Variants in DRC4 observed in about 807,000 individuals in gnomAD.
DRC4 encodes the protein GAS-11.
chr16:90,043,845 G>A, the DRC4 span: 4 of 466,426 alleles, frequency 8.6e-6, no homozygotes, highest in African/African-American at 6.0e-5. Flanking sequence ...AGCCCGCTCT[G>A]TTGAGGGCTG....
the DRC4 span, chr16:90,022,696 C>T: frequency 4.2e-6 from 6 of 1,418,972 alleles, no homozygotes; most frequent in Non-Finnish European, 3.7e-6. Flanking sequence ...GTCCCGGAGT[C>T]GCCGCTGGGC....
chr16:90,036,591 T>G, the DRC4 span: 1 of 1,566,328 alleles, frequency 6.4e-7, no homozygotes, highest in Admixed American at 1.9e-5. Context: ...CTCAAGGTGC[T>G]GTGCGTGGGC....
chr16:90,023,069 T>G, the DRC4 span, among the ~76,000 whole-genome samples: 1 of 152,126 alleles, frequency 6.6e-6, no homozygotes, highest in African/African-American at 2.4e-5. Context: ...CTCGGTCTGT[T>G]GGATCCCTGG....
the DRC4 span, among the ~76,000 whole-genome samples, chr16:90,026,250 CA>C: frequency 6.6e-6 from 1 of 152,282 alleles, no homozygotes; most frequent in South Asian, 2.1e-4. Flanking sequence ...GGTGGCCAGA[CA>C]GAACTGCTCC....
the DRC4 span, chr16:90,032,822 C>T: frequency 1.1e-5 from 17 of 1,613,840 alleles, no homozygotes; most frequent in African/African-American, 2.7e-5. Flanking sequence ...AGAAAGAGCA[C>T]CGCATACAGG....
At chr16:90,038,157 A>G in the DRC4 span, among the ~76,000 whole-genome samples, 8 of 152,190 alleles carry the variant, frequency 5.3e-5, no homozygotes, top group Non-Finnish European at 1.0e-4. Context: ...CGGATCACAC[A>G]TGACTTTCGT....
At chr16:90,033,356 C>T in the DRC4 span, among the ~76,000 whole-genome samples, 5 of 152,160 alleles carry the variant, frequency 3.3e-5, no homozygotes, top group Admixed American at 2.0e-4. Context: ...TGGGGGTTTC[C>T]AGGGCACCAT....
the DRC4 span, chr16:90,029,118 T>C: frequency 5.5e-6 from 7 of 1,271,522 alleles, no homozygotes; most frequent in Non-Finnish European, 7.2e-6. Context: ...ACAGGCCTTG[T>C]GGGGCAGTGG....
chr16:90,025,718 T>C, the DRC4 span, among the ~76,000 whole-genome samples: 4 of 144,474 alleles, frequency 2.8e-5, no homozygotes, highest in African/African-American at 1.0e-4. Flanking sequence ...ACCTCGTCTC[T>C]ACTAAAATAC....
the DRC4 span, chr16:90,028,866 G>C: frequency 9.5e-7 from 1 of 1,055,292 alleles, no homozygotes; most frequent in Non-Finnish European, 1.3e-6. Flanking sequence ...GACTGAAAGA[G>C]TCTCATGACC....
At chr16:90,021,856 C>CAAAAAAAAA in the DRC4 span, among the ~76,000 whole-genome samples, 1 of 28,960 alleles carries the variant, frequency 3.5e-5, no homozygotes, top group Non-Finnish European at 6.7e-5. Flanking sequence ...ACCCTGTCTC[C>CAAAAAAAAA]AAAAAAAAAA....
At chr16:90,043,742 A>C in the DRC4 span, 1 of 477,344 alleles carries the variant, frequency 2.1e-6, no homozygotes, top group African/African-American at 2.0e-5. Flanking sequence ...CACTAACTTC[A>C]TTGACACCTG....
At chr16:90,024,140 T>TACACA in the DRC4 span, among the ~76,000 whole-genome samples, 1 of 143,840 alleles carries the variant, frequency 7.0e-6, no homozygotes, top group African/African-American at 2.7e-5. Flanking sequence ...ACACACACAC[T>TACACA]CACACACACA....
chr16:90,042,408 G>A, the DRC4 span: 1 of 1,452,436 alleles, frequency 6.9e-7, no homozygotes, highest in Non-Finnish European at 9.7e-7. Context: ...GAGTCCCCAG[G>A]CCGCTCCCGT....
the DRC4 span, chr16:90,035,589 C>T: frequency 1.1e-5 from 17 of 1,613,680 alleles, no homozygotes; most frequent in Admixed American, 3.3e-5. Flanking sequence ...GCGGGCTTCC[C>T]TCTGTGTCCG....
chr16:90,025,133 C>T, the DRC4 span, among the ~76,000 whole-genome samples: 19 of 150,860 alleles, frequency 1.3e-4, no homozygotes, highest in Admixed American at 2.0e-4. Context: ...TCTCCTGCCT[C>T]GGCCTCCCGA....
chr16:90,029,664 C>T, the DRC4 span: 7 of 219,058 alleles, frequency 3.2e-5, no homozygotes, highest in South Asian at 4.2e-4. Context: ...TGCTCGTTGT[C>T]TTGTCTTCTT....
At chr16:90,040,820 G>A in the DRC4 span, among the ~76,000 whole-genome samples, 1 of 151,868 alleles carries the variant, frequency 6.6e-6, no homozygotes, top group Non-Finnish European at 1.5e-5. Flanking sequence ...CCACAGGTGG[G>A]GCTGGGAGGG....
chr16:90,028,350 A>G, the DRC4 span, among the ~76,000 whole-genome samples: 2 of 150,820 alleles, frequency 1.3e-5, no homozygotes, highest in Non-Finnish European at 3.0e-5. Context: ...ACGCCTGGCT[A>G]ATTTTTTTTT....
Sources: gnomAD v4.1 joint callset for allele counts (sites outside exome capture counted in the v4.1 genomes callset) on GRCh38, gnomAD v4.1.1 for gene constraint, MANE v1.5 for transcripts, NCBI Gene and HGNC (gene_info 2026-07-23, HGNC 2026-07-21) for gene names.